Variants in FGD5 observed in about 807,000 individuals in gnomAD.
FGD5 encodes the protein FYVE, RhoGEF and PH domain containing 5.
A neutral mutation model predicts 133.4 loss-of-function variants in FGD5; 28 were observed. That is an observed-to-expected ratio of 0.21 (90% CI 0.16 to 0.29). The LOEUF is 0.29. Among genes scored for constraint, FGD5 ranks in the 10% least tolerant of loss-of-function variants. The pLI, the probability that FGD5 is intolerant of heterozygous loss-of-function variation, is 1.00. For synonymous variants in FGD5, 810 were observed against 776.5 expected, an observed-to-expected ratio of 1.04 and a Z score of -0.72; for missense variants, 1,858 against 1,895.2, an observed-to-expected ratio of 0.98 and a Z score of 0.36.
chr3:14,914,666 G>T (rs546394744), intron 11 of FGD5, among the ~76,000 whole-genome samples: 14 of 152,296 alleles, frequency 9.2e-5, no homozygotes, highest in African/African-American at 2.6e-4. Context: ...TGTGAGAGCA[G>T]CCCTGACATT....
chr3:14,824,994 A>G (rs540253079), intron 1 of FGD5, among the ~76,000 whole-genome samples: 37 of 152,308 alleles, frequency 2.4e-4, no homozygotes, highest in African/African-American at 8.7e-4. Flanking sequence ...GAAGAATCCA[A>G]AAGGACTAAG....
At chr3:14,876,709 C>G (rs1395630616) in intron 2 of FGD5, among the ~76,000 whole-genome samples, 8 of 152,170 alleles carry the variant, frequency 5.3e-5, no homozygotes, top group African/African-American at 1.9e-4. Context: ...TGAATAATAT[C>G]TAGGCTCATA....
At chr3:14,876,196 T>A (rs1215422237) in intron 2 of FGD5, among the ~76,000 whole-genome samples, 2 of 152,172 alleles carry the variant, frequency 1.3e-5, no homozygotes, top group Non-Finnish European at 2.9e-5. Context: ...GGCCTGGGGT[T>A]CCCTGGCCTC....
At chr3:14,897,834 A>C in intron 5 of FGD5, 105 bp from the exon 6 acceptor site, 1 of 1,506,588 alleles carries the variant, frequency 6.6e-7, no homozygotes, top group Non-Finnish European at 9.0e-7. Flanking sequence ...GCAAGGGTTG[A>C]GCTGGGATCT....
intron 4 of FGD5, among the ~76,000 whole-genome samples, chr3:14,885,327 C>T (rs534481003): frequency 1.1e-4 from 16 of 151,908 alleles, no homozygotes; most frequent in South Asian, 6.3e-4. Flanking sequence ...GTCAGCTGTT[C>T]GGTCCAGAGT....
In FGD5 at chr3:14,879,869, T is replaced by C. The variant is rs538582666; in HGVS notation, c.2659-703T>C. 3.5e-4 allele frequency among the ~76,000 whole-genome samples: 53 copies of C among 152,284 alleles called. 1 individual carries two copies. The highest frequency in any genetic ancestry group is 1.3e-3 in the African/African-American group (53 of 41,552). On this transcript the variant is annotated intron_variant, in intron 2 of 19. Transcript: ENST00000285046. ...GGGAAAGGATGCTGAGGGAACAGCA[T>C]GTACAAAAGCAAGAGAAAAGAGAGA...
chr3:14,903,431 C>T (rs935548906), intron 9 of FGD5, among the ~76,000 whole-genome samples: 3 of 151,540 alleles, frequency 2.0e-5, no homozygotes, highest in African/African-American at 7.3e-5. Context: ...TATACATGTG[C>T]CATGCTGGTG....
intron 1 of FGD5, among the ~76,000 whole-genome samples, chr3:14,851,836 T>A (rs1053902548): frequency 6.6e-6 from 1 of 151,986 alleles, no homozygotes; most frequent in African/African-American, 2.4e-5. Context: ...TTGCTCAGGT[T>A]GGGAGGAGGC....
rs34008934 is a variant in FGD5 at position 14,853,636 on chromosome 3, C to CTTTTTTTTTTTTTTT, written c.2526-10475_2526-10461dup. Among the ~76,000 whole-genome samples, 203 of 37,124 alleles carry CTTTTTTTTTTTTTTT rather than the reference C, an allele frequency of 5.5e-3. 16 individuals carry two copies. The highest frequency in any genetic ancestry group is 0.022 in the East Asian group (17 of 784). 24.4% of individuals were successfully genotyped at this position (37,124 alleles called of 152,430 possible). On this transcript the variant is annotated intron_variant, in intron 1 of 19. Transcript: ENST00000285046. ...GAGATTCCCAGGGGGAAAAGCGTTC[C>CTTTTTTTTTTTTTTT]TTTTTTTTTTTTTTTTTTTTTTTTT...
intron 4 of FGD5, among the ~76,000 whole-genome samples, chr3:14,893,745 CTTTTTTCT>C (rs1479705745): frequency 1.1e-5 from 1 of 89,112 alleles, no homozygotes; most frequent in Non-Finnish European, 2.3e-5. Flanking sequence ...TCTTTCTTTT[CTTTTTTCT>C]TTTTTTTTTT....
chr3:14,819,380 A>G lies in FGD5; in HGVS notation c.309A>G (p.Glu103=), dbSNP rs887302273. Residue 103 remains glutamate (E), a synonymous_variant, in exon 1 of 20, where the codon GAA becomes GAG. Transcript: ENST00000285046. The surrounding 1 kb of genome is among the most constrained non-coding windows in gnomAD (Gnocchi z 4.1). ...CTGCGGAAGAGGAAGAGGAGCGTGA[A>G]GAGGGAGGCGAGGCATGTGGCCTGG... ...ESSAEEEEER[E]EGGEACGLEG... is the part of the protein sequence containing the mutation. The G allele has an allele frequency of 3.9e-6, 6 of 1,549,880 alleles. No homozygotes were observed. Among genetic ancestry groups the G allele is most frequent in the Non-Finnish European group, 5.2e-6 (6 of 1,146,138 alleles).
intron 1 of FGD5, among the ~76,000 whole-genome samples, chr3:14,845,098 T>G (rs1169748279): frequency 1.3e-5 from 2 of 152,160 alleles, no homozygotes; most frequent in Non-Finnish European, 2.9e-5. Flanking sequence ...TGCCTACAGC[T>G]TCTGGGTTTT....
chr3:14,828,597 G>A (rs977206361), intron 1 of FGD5, among the ~76,000 whole-genome samples: 10 of 152,118 alleles, frequency 6.6e-5, no homozygotes, highest in African/African-American at 2.4e-4. Context: ...GTCCGCTAGC[G>A]TTCCCGGAGT....
At position 14,901,097 on chromosome 3, in the gene FGD5, A is replaced by T. The variant is rs745820363; in HGVS notation, c.3264+36A>T. The T allele has an allele frequency of 7.4e-6, 12 of 1,611,702 alleles. No homozygotes were observed. In the South Asian group the frequency reaches 1.3e-4, roughly 18 times the overall value. On this transcript the variant is annotated intron_variant, in intron 9 of 19. Coordinates refer to ENST00000285046, the MANE Select transcript of FGD5 (RefSeq NM_152536.4). ...CCTGGCGGCCCCCTTCCTCAGACAC[A>T]GGTTCCAGGCACCTCCCCACCAGCT...
At chr3:14,882,324 C>T (rs1044485770) in intron 4 of FGD5, 1 of 985,092 alleles carries the variant, frequency 1.0e-6, no homozygotes, top group Admixed American at 6.2e-5. Context: ...TGCCCTGCTT[C>T]CTGCCAGTTG....
chr3:14,898,904 G>A (rs1158474738), intron 7 of FGD5, 78 bp downstream of exon 7: 26 of 1,308,900 alleles, frequency 2.0e-5, no homozygotes, highest in Non-Finnish European at 2.7e-5. Flanking sequence ...AGGGGACTGT[G>A]GTGACCTTGC....
At chr3:14,874,190 G>A (rs951568275) in intron 2 of FGD5, among the ~76,000 whole-genome samples, 3 of 152,184 alleles carry the variant, frequency 2.0e-5, no homozygotes, top group Non-Finnish European at 4.4e-5. Flanking sequence ...AGTCACCGAT[G>A]GACAAATACT....
intron 1 of FGD5, among the ~76,000 whole-genome samples, chr3:14,858,742 T>C (rs986805934): frequency 6.6e-6 from 1 of 152,250 alleles, no homozygotes; most frequent in African/African-American, 2.4e-5. Context: ...ACTGGGGAGA[T>C]AGATATGATA....
intron 2 of FGD5, among the ~76,000 whole-genome samples, chr3:14,875,236 A>T (rs1326967376): frequency 2.6e-5 from 4 of 152,104 alleles, no homozygotes; most frequent in African/African-American, 9.7e-5. Context: ...CCCTCAACAC[A>T]TGGAAGACTC....
Sources: allele counts gnomAD v4.1 joint callset (sites outside exome capture counted in the v4.1 genomes callset), GRCh38; gene constraint gnomAD v4.1.1; non-coding constraint Gnocchi (gnomAD v3.1); transcripts MANE v1.5; gene names NCBI Gene and HGNC (gene_info 2026-07-23, HGNC 2026-07-21).